Variants in RIMKLB observed in about 807,000 individuals in gnomAD.
The protein encoded by RIMKLB is beta-citrylglutamate synthase B.
Under a neutral mutation model 32.0 loss-of-function variants are expected in RIMKLB, and 7 were observed. That is an observed-to-expected ratio of 0.22 (90% CI 0.12 to 0.41). The LOEUF (loss-of-function observed/expected upper bound fraction) is 0.41, where lower values mean the gene tolerates loss of function less well. RIMKLB is among the 10% of genes least tolerant of loss of function. RIMKLB has a pLI of 1.00. For synonymous variants in RIMKLB, 172 were observed against 185.1 expected (o/e 0.93, Z 0.57); for missense variants, 289 against 498.7 (o/e 0.58, Z 4.00).
intron 1 of RIMKLB, among the ~76,000 whole-genome samples, chr12:8,711,774 GCTTT>G (rs1212196020): frequency 6.6e-6 from 1 of 151,930 alleles, no homozygotes; most frequent in Non-Finnish European, 1.5e-5. Context: ...GTGGAGCTTT[GCTTT>G]CTGAGACCTT....
rs1354679679 is a variant in RIMKLB, at chr12:8,776,493, AAT to A, written c.*2712_*2713del. 1.4e-6 allele frequency: 1 copy of A among 712,150 alleles called. No homozygotes were observed. Among genetic ancestry groups the A allele is most frequent in the Non-Finnish European group, 1.7e-6 (1 of 580,942 alleles). The allele number at this position is 712,150 out of a possible 1,614,324, so 44.1% of individuals were successfully genotyped here. A position where few individuals can be genotyped will look rare whatever the true frequency, so the allele number is the denominator to read the frequency against. ...ATTATGAGAGAGAATGTATATATCA[AAT>A]ATGTGTAATGATAAAATCTGAATTG... On this transcript the variant is annotated 3_prime_UTR_variant, in exon 6 of 6. Transcript: ENST00000535829.
upstream of RIMKLB, among the ~76,000 whole-genome samples, chr12:8,696,288 T>C (rs1463269555): frequency 6.6e-6 from 1 of 152,212 alleles, no homozygotes; most frequent in African/African-American, 2.4e-5. Context: ...GAATATACTT[T>C]ATGTCCCAGG....
At chr12:8,685,298 T>G (rs1250210565) in intron 1 of RIMKLB, among the ~76,000 whole-genome samples, 1 of 152,224 alleles carries the variant, frequency 6.6e-6, no homozygotes, top group African/African-American at 2.4e-5. Flanking sequence ...GTTGAGGAAG[T>G]TCCTCTTTAT....
intron 2 of RIMKLB, among the ~76,000 whole-genome samples, chr12:8,714,381 AAAAT>A (rs1480513524): frequency 6.6e-6 from 1 of 152,166 alleles, no homozygotes; most frequent in Non-Finnish European, 1.5e-5. Flanking sequence ...CAGTTTCTTA[AAAAT>A]AAAAGTAAAG....
downstream of RIMKLB, among the ~76,000 whole-genome samples, chr12:8,781,563 T>C (rs1028999754): frequency 7.9e-5 from 12 of 152,156 alleles, no homozygotes; most frequent in African/African-American, 2.9e-4. Context: ...CTGGCTGGGC[T>C]TTTCCCCTGT....
intron 1 of RIMKLB, among the ~76,000 whole-genome samples, chr12:8,710,307 C>CTTTT (rs762963381): frequency 1.7e-4 from 21 of 125,562 alleles, no homozygotes; most frequent in Non-Finnish European, 2.8e-4. Flanking sequence ...TTGTTTCCTT[C>CTTTT]TTTTTTTTTT....
chr12:8,743,542 A>G (rs1316732154), intron 2 of RIMKLB, among the ~76,000 whole-genome samples: 2 of 144,682 alleles, frequency 1.4e-5, no homozygotes, highest in Non-Finnish European at 2.9e-5. Flanking sequence ...AGTACTTACT[A>G]TTATTAAGAG....
At chr12:8,723,208 C>G (rs149989822) in intron 2 of RIMKLB, among the ~76,000 whole-genome samples, 3 of 152,066 alleles carry the variant, frequency 2.0e-5, no homozygotes. Context: ...CTTTTTTGCC[C>G]TTGAACACTT....
upstream of RIMKLB, among the ~76,000 whole-genome samples, chr12:8,677,593 A>G (rs1942350741): frequency 6.6e-6 from 1 of 152,144 alleles, no homozygotes; most frequent in African/African-American, 2.4e-5. Context: ...TTTAGCACTA[A>G]TCTGATTAAG....
intron 1 of RIMKLB, among the ~76,000 whole-genome samples, chr12:8,708,907 A>G (rs1300361797): frequency 2.0e-5 from 3 of 152,172 alleles, no homozygotes; most frequent in Admixed American, 2.0e-4. Flanking sequence ...TCTTTATTTC[A>G]AAAAAGGTAC....
chr12:8,699,449 A>G (rs780736631), intron 1 of RIMKLB, among the ~76,000 whole-genome samples: 6 of 152,300 alleles, frequency 3.9e-5, no homozygotes, highest in African/African-American at 1.4e-4. Flanking sequence ...TACTTTTAAG[A>G]TATTCATTTG....
intron 4 of RIMKLB, 79 bp from the exon 5 acceptor site, chr12:8,753,811 T>A: frequency 8.9e-7 from 1 of 1,121,192 alleles, no homozygotes; most frequent in Non-Finnish European, 1.3e-6. Context: ...CAGATTGTGA[T>A]ACAAGAAGAT....
chr12:8,751,117 T>C (rs755663674), intron 3 of RIMKLB, among the ~76,000 whole-genome samples: 1 of 152,340 alleles, frequency 6.6e-6, no homozygotes, highest in South Asian at 2.1e-4. Flanking sequence ...AATTCTGTGT[T>C]TTTAGTGCTT....
chr12:8,695,628 G>A (rs778247530), upstream of RIMKLB, among the ~76,000 whole-genome samples: 18 of 150,504 alleles, frequency 1.2e-4, no homozygotes, highest in East Asian at 3.3e-3. Context: ...CAAAAGCAAC[G>A]TTGTTACATA....
chr12:8,718,659 A>ATGTGTGTGTGTG lies in RIMKLB; in HGVS notation c.175+4619_175+4620insGTGTGTGTGTGT, dbSNP rs1213938637. Among the ~76,000 whole-genome samples the ATGTGTGTGTGTG allele has an allele frequency of 2.3e-3, 276 of 119,280 alleles. 5 individuals carry two copies. The highest frequency in any genetic ancestry group is 8.6e-3 in the African/African-American group (265 of 30,766). The allele number at this position is 119,280 out of a possible 152,430, so 78.3% of individuals were successfully genotyped here. A position where few individuals can be genotyped will look rare whatever the true frequency, so the allele number is the denominator to read the frequency against. ...TCCGTCTCTCTCTCTCTCTCTATAT[A>ATGTGTGTGTGTG]TATATATATATGTGTGTGTGTGTGT... On this transcript the variant is annotated intron_variant, in intron 2 of 5. Transcript: ENST00000535829.
chr12:8,728,053 G>C (rs998915200), intron 2 of RIMKLB, among the ~76,000 whole-genome samples: 2 of 152,140 alleles, frequency 1.3e-5, no homozygotes, highest in Non-Finnish European at 2.9e-5. Flanking sequence ...ACTTGAACTT[G>C]TTGTATGCAT....
chr12:8,686,244 C>T (rs1014136584), intron 1 of RIMKLB, among the ~76,000 whole-genome samples: 2 of 151,936 alleles, frequency 1.3e-5, no homozygotes, highest in East Asian at 3.9e-4. Context: ...TGTGAGCCAC[C>T]GAGCCCTCTC....
upstream of RIMKLB, among the ~76,000 whole-genome samples, chr12:8,692,778 T>G (rs1335936365): frequency 6.6e-6 from 1 of 152,234 alleles, no homozygotes; most frequent in African/African-American, 2.4e-5. Context: ...TTAGCTATTC[T>G]ACTGCAAAGA....
chr12:8,773,067 G>T (rs1046545854), intron 5 of RIMKLB, among the ~76,000 whole-genome samples: 2 of 134,042 alleles, frequency 1.5e-5, no homozygotes, highest in African/African-American at 8.0e-5. Flanking sequence ...CTTATACTTG[G>T]TTTATATTAT....
Sources: allele counts gnomAD v4.1 joint callset (sites outside exome capture counted in the v4.1 genomes callset), GRCh38; gene constraint gnomAD v4.1.1; transcripts MANE v1.5; gene names NCBI Gene and HGNC (gene_info 2026-07-23, HGNC 2026-07-21).